MPPED2: variants seen among roughly 807,000 people sequenced by gnomAD.
MPPED2 encodes the protein metallophosphoesterase domain containing 2.
In MPPED2, 5 loss-of-function variants were observed where a neutral mutation model predicts 33.0. That is an observed-to-expected ratio of 0.15 (90% CI 0.08 to 0.32). The LOEUF (loss-of-function observed/expected upper bound fraction) is 0.32, where lower values mean the gene tolerates loss of function less well. Among genes scored for constraint, MPPED2 ranks in the 10% least tolerant of loss-of-function variants. The pLI is 1.00. For missense variants in MPPED2, 275 were observed against 372.1 expected (o/e 0.74, Z 2.15); for synonymous variants, 136 against 141.9 (o/e 0.96, Z 0.29).
intron 4 of MPPED2, among the ~76,000 whole-genome samples, chr11:30,460,090 CCTAAAAGGAAG>C (rs568490467): frequency 1.1e-3 from 173 of 152,254 alleles, no homozygotes; most frequent in African/African-American, 4.1e-3. Flanking sequence ...TCAGGTACAC[CCTAAAAGGAAG>C]CAGCAATGGA....
intron 4 of MPPED2, among the ~76,000 whole-genome samples, chr11:30,478,425 A>C (rs1951320986): frequency 6.6e-6 from 1 of 152,154 alleles, no homozygotes; most frequent in African/African-American, 2.4e-5. Flanking sequence ...GGAGATAAGA[A>C]ACGAGAAAGC....
At chr11:30,517,968 A>G (rs1218632005) in intron 3 of MPPED2, among the ~76,000 whole-genome samples, 1 of 152,198 alleles carries the variant, frequency 6.6e-6, no homozygotes, top group Non-Finnish European at 1.5e-5. Context: ...GGAACTCACC[A>G]TGTACACTGA....
At chr11:30,389,678 A>G (rs1360173964) in intron 6 of MPPED2, among the ~76,000 whole-genome samples, 4 of 152,200 alleles carry the variant, frequency 2.6e-5, no homozygotes. Flanking sequence ...CTGCTTCTCT[A>G]GAAAATATGT....
intron 2 of MPPED2, among the ~76,000 whole-genome samples, chr11:30,541,575 G>A (rs1183774587): frequency 6.6e-6 from 1 of 152,152 alleles, no homozygotes; most frequent in Non-Finnish European, 1.5e-5. Flanking sequence ...TCCTCAGGCT[G>A]TGCTTATGGA....
At position 30,550,716 on chromosome 11, in the gene MPPED2, C is replaced by T. The variant is rs899496100; in HGVS notation, c.129-14541G>A. ...ACACTTTACTAACCAGAAAGCACAG[C>T]CTGGGGAAAAAATGCAATAAAATCT... On this transcript the variant is annotated intron_variant, in intron 2 of 6. Transcript: ENST00000358117. 2.0e-5 allele frequency among the ~76,000 whole-genome samples: 3 copies of T among 152,058 alleles called. No homozygotes were observed. The East Asian group carries it at 5.8e-4, about 29-fold the overall frequency.
intron 5 of MPPED2, 58 bp from the exon 6 acceptor site, chr11:30,414,399 T>G: frequency 8.9e-7 from 1 of 1,129,244 alleles, no homozygotes; most frequent in South Asian, 1.2e-5. Context: ...AGGTTTCATT[T>G]AGACTTTCAG....
chr11:30,525,369 GGAAAAGTT>G (rs1045644688), intron 3 of MPPED2, among the ~76,000 whole-genome samples: 1 of 152,134 alleles, frequency 6.6e-6, no homozygotes, highest in Non-Finnish European at 1.5e-5. Context: ...CAGATAGTTT[GGAAAAGTT>G]GAGAACTTTT....
intron 4 of MPPED2, among the ~76,000 whole-genome samples, chr11:30,483,300 G>C (rs1951575786): frequency 6.6e-6 from 1 of 152,204 alleles, no homozygotes; most frequent in African/African-American, 2.4e-5. Flanking sequence ...TGAAAAACAG[G>C]AAGCATTAAG....
In MPPED2 at chr11:30,460,036, G is replaced by A. The variant is rs1295297737; in HGVS notation, c.536+35260C>T. Among the ~76,000 whole-genome samples the A allele has an allele frequency of 7.2e-5, 11 of 152,140 alleles. 1 individual carries two copies. Among genetic ancestry groups the A allele is most frequent in the Admixed American group, 5.9e-4 (9 of 15,276 alleles). ...ATGAGAAAGCACTGGGAGCTTGGCC[G>A]TTACAAAGGCACACGGGGCATTTTG... On this transcript the variant is annotated intron_variant, in intron 4 of 6. Coordinates refer to ENST00000358117, the MANE Select transcript of MPPED2 (RefSeq NM_001584.3).
chr11:30,553,899 T>C (rs1287749070), intron 2 of MPPED2, among the ~76,000 whole-genome samples: 1 of 152,206 alleles, frequency 6.6e-6, no homozygotes, highest in African/African-American at 2.4e-5. Context: ...CAGGGAGTCA[T>C]ATTGCACTGA....
intron 3 of MPPED2, among the ~76,000 whole-genome samples, chr11:30,514,446 GAGT>G (rs1953407629): frequency 6.6e-6 from 1 of 152,074 alleles, no homozygotes; most frequent in Admixed American, 6.6e-5. Context: ...GAAAGAACCC[GAGT>G]TCCTGGTATC....
At chr11:30,507,623 C>T (rs903845347) in intron 3 of MPPED2, among the ~76,000 whole-genome samples, 31 of 151,978 alleles carry the variant, frequency 2.0e-4, no homozygotes. Context: ...GAATGGAGAC[C>T]ATATTCATTT....
At chr11:30,441,103 A>G (rs561142302) in intron 4 of MPPED2, among the ~76,000 whole-genome samples, 1 of 151,784 alleles carries the variant, frequency 6.6e-6, no homozygotes, top group East Asian at 1.9e-4. Flanking sequence ...TCTTCAGAAC[A>G]CTCTTTTGGA....
chr11:30,459,208 A>G (rs1950421613), intron 4 of MPPED2, among the ~76,000 whole-genome samples: 1 of 152,064 alleles, frequency 6.6e-6, no homozygotes, highest in African/African-American at 2.4e-5. Context: ...ACAGTTCTTA[A>G]GGTAAAGGAG....
At chr11:30,559,390 C>G (rs1015145908) in intron 2 of MPPED2, among the ~76,000 whole-genome samples, 1 of 152,020 alleles carries the variant, frequency 6.6e-6, no homozygotes, top group African/African-American at 2.4e-5. Context: ...ATTTTGCAAA[C>G]TAAAACAAAA....
Position 30,389,063 on chromosome 11 carries a change from A to G in MPPED2, c.767-107T>C. ...GTGTCTTGATTACCTTCCCATTCTCATAAACAACCCCTCAGCACCTCTCTA... is the reference window on the plus strand; with the variant it reads ...GTGTCTTGATTACCTTCCCATTCTCGTAAACAACCCCTCAGCACCTCTCTA... On this transcript the variant is annotated intron_variant, in intron 6 of 6. Coordinates refer to the MPPED2 transcript ENST00000448418. The G allele has an allele frequency of 3.5e-6, 5 of 1,410,630 alleles. 1 individual carries two copies. In the South Asian group the frequency reaches 6.5e-5, roughly 18 times the overall value. 87.4% of individuals were successfully genotyped at this position (1,410,630 alleles called of 1,614,324 possible). A position where few individuals can be genotyped will look rare whatever the true frequency, so the allele number is the denominator to read the frequency against.
chr11:30,476,608 G>A (rs1263353674), intron 4 of MPPED2, among the ~76,000 whole-genome samples: 2 of 151,910 alleles, frequency 1.3e-5, no homozygotes, highest in African/African-American at 4.8e-5. Flanking sequence ...TGATCTATGT[G>A]TCCACCTTTC....
intron 4 of MPPED2, among the ~76,000 whole-genome samples, chr11:30,421,007 G>C (rs144641077): frequency 6.6e-6 from 1 of 152,294 alleles, no homozygotes; most frequent in African/African-American, 2.4e-5. Context: ...CATCTGTTTT[G>C]CTAGATTTTG....
At chr11:30,473,878 G>T (rs920617777) in intron 4 of MPPED2, among the ~76,000 whole-genome samples, 1 of 152,164 alleles carries the variant, frequency 6.6e-6, no homozygotes, top group African/African-American at 2.4e-5. Context: ...AACAACCTGT[G>T]AGCAACTGAT....
Sources: gnomAD v4.1 joint callset for allele counts (sites outside exome capture counted in the v4.1 genomes callset) on GRCh38, gnomAD v4.1.1 for gene constraint, MANE v1.5 for transcripts, NCBI Gene and HGNC (gene_info 2026-07-23, HGNC 2026-07-21) for gene names.